The following CCDC141 variants were observed in gnomAD, a reference collection of about 807,000 sequenced individuals.
CCDC141 encodes coiled-coil domain containing 141.
In CCDC141, 168 loss-of-function variants were observed where a neutral mutation model predicts 181.0. The observed-to-expected ratio is 0.93, with a 90% confidence interval of 0.82 to 1.05. The LOEUF (loss-of-function observed/expected upper bound fraction) is 1.05, where lower values mean the gene tolerates loss of function less well. Ranked by LOEUF, CCDC141 falls within the 50% of genes least tolerant of loss-of-function variation. The pLI, the probability that CCDC141 is intolerant of heterozygous loss-of-function variation, is 0.00. For synonymous variants in CCDC141, 666 were observed against 642.3 expected (o/e 1.04, Z -0.56); for missense variants, 1,902 against 1,788.5 (o/e 1.06, Z -1.14).
intron 8 of CCDC141, among the ~76,000 whole-genome samples, chr2:178,890,138 A>T (rs1394338625): frequency 5.3e-5 from 8 of 152,208 alleles, no homozygotes; most frequent in Admixed American, 5.2e-4. Flanking sequence ...TACAGAGAAC[A>T]AAGGTTGTGA....
At chr2:178,923,675 G>A (rs943543339) in intron 6 of CCDC141, among the ~76,000 whole-genome samples, 2 of 152,084 alleles carry the variant, frequency 1.3e-5, no homozygotes, top group Non-Finnish European at 2.9e-5. Flanking sequence ...ACAGAGATGC[G>A]TGCGTATCTC....
intron 17 of CCDC141, among the ~76,000 whole-genome samples, chr2:178,863,628 A>G (rs1018905295): frequency 2.6e-5 from 4 of 152,210 alleles, no homozygotes; most frequent in Non-Finnish European, 5.9e-5. Context: ...CACGGAAAAT[A>G]TTCCTTCTGA....
At position 178,978,649 on chromosome 2, in the gene CCDC141, G is replaced by C. The variant is rs76975382; in HGVS notation, c.252C>G (p.Leu84=). 1 of 1,545,264 alleles carries C rather than the reference G, an allele frequency of 6.5e-7. No homozygotes were observed. Among genetic ancestry groups the C allele is most frequent in the Non-Finnish European group, 8.7e-7 (1 of 1,144,756 alleles). Residue 84 remains leucine, a synonymous_variant, in exon 3 of 24, where the codon CTC becomes CTG. Transcript: ENST00000443758. ...CAGCTGTCTTGTCTGCTTCCTGCAA[G>C]AGTTCCCATACCCGATCTTCCAAAG... ...LKALEDRVWE[L]LQEADKTAEE...
intron 12 of CCDC141, chr2:178,875,773 A>T (rs1686332341): frequency 6.6e-6 from 1 of 152,180 alleles, no homozygotes; most frequent in African/African-American, 2.4e-5. Flanking sequence ...AATTTCTGAA[A>T]TGAAGTTAGT....
At chr2:178,893,728 C>A (rs368284111) in intron 8 of CCDC141, among the ~76,000 whole-genome samples, 2 of 151,466 alleles carry the variant, frequency 1.3e-5, no homozygotes, top group African/African-American at 4.8e-5. Context: ...GCATATGTTT[C>A]TACAATAAAT....
intron 17 of CCDC141, among the ~76,000 whole-genome samples, chr2:178,858,998 T>C (rs767195903): frequency 3.9e-5 from 6 of 152,162 alleles, no homozygotes; most frequent in Non-Finnish European, 5.9e-5. Context: ...AAATGATGAG[T>C]GTGATTTGAT....
intron 2 of CCDC141, among the ~76,000 whole-genome samples, chr2:179,024,328 G>A (rs572543076): frequency 2.6e-5 from 4 of 152,046 alleles, no homozygotes; most frequent in South Asian, 2.1e-4. Flanking sequence ...TTCCTTTTTC[G>A]CATGTTTCTT....
At chr2:179,010,612 C>T (rs1035054269) in intron 2 of CCDC141, among the ~76,000 whole-genome samples, 1 of 152,094 alleles carries the variant, frequency 6.6e-6, no homozygotes, top group South Asian at 2.1e-4. Context: ...AGAGAATTCA[C>T]CATTACCAAG....
chr2:178,964,950 T>C (rs1249694158), intron 4 of CCDC141, among the ~76,000 whole-genome samples: 1 of 152,196 alleles, frequency 6.6e-6, no homozygotes, highest in Non-Finnish European at 1.5e-5. Flanking sequence ...TCTAAAAAAT[T>C]ATCATTAAAG....
chr2:178,947,946 A>G (rs1689799179), intron 5 of CCDC141, among the ~76,000 whole-genome samples: 1 of 152,156 alleles, frequency 6.6e-6, no homozygotes, highest in African/African-American at 2.4e-5. Flanking sequence ...ATGCCTGTAA[A>G]CCAAGCAGTT....
chr2:178,852,388 A>G (rs17362574), intron 20 of CCDC141, among the ~76,000 whole-genome samples: 1,736 of 152,322 alleles, frequency 0.011, 20 homozygotes, highest in Non-Finnish European at 0.018. Context: ...AAAAAGTTCA[A>G]TCGTGGAGGA....
chr2:178,893,155 T>C (rs915263001), intron 8 of CCDC141, among the ~76,000 whole-genome samples: 6 of 151,958 alleles, frequency 3.9e-5, no homozygotes, highest in Non-Finnish European at 8.8e-5. Flanking sequence ...AAACTCCAAA[T>C]GAGAACATTC....
the CCDC141 span, among the ~76,000 whole-genome samples, chr2:178,815,068 T>A: frequency 1.3e-5 from 2 of 152,208 alleles, no homozygotes; most frequent in African/African-American, 2.4e-5. Flanking sequence ...TGAGCTCTGT[T>A]GGCACTTTAA....
At position 178,845,749 on chromosome 2, in the gene CCDC141, A is replaced by T; in HGVS notation, c.3358-7T>A. 1 of 1,531,314 alleles carries T rather than the reference A, an allele frequency of 6.5e-7. No individual in the cohort carries two copies. Among genetic ancestry groups the T allele is most frequent in the Non-Finnish European group, 9.1e-7 (1 of 1,104,786 alleles). The allele number at this position is 1,531,314 out of a possible 1,614,324, so 94.9% of individuals were successfully genotyped here. A position where few individuals can be genotyped will look rare whatever the true frequency, so the allele number is the denominator to read the frequency against. On this transcript the variant is annotated splice_region_variant and splice_polypyrimidine_tract_variant and intron_variant, in intron 21 of 23. Coordinates refer to ENST00000443758, the MANE Select transcript of CCDC141 (RefSeq NM_173648.4). The stretch of plus-strand genomic sequence containing the variant: ...TCTTTAAAACATCTCCCTGCTGTAC[A>T]AAGCAACAGTTAGTGAGAGCATGAG...
chr2:179,016,349 A>C (rs1032867741), intron 2 of CCDC141, among the ~76,000 whole-genome samples: 1 of 152,120 alleles, frequency 6.6e-6, no homozygotes, highest in Non-Finnish European at 1.5e-5. Context: ...ATGGGAAAAA[A>C]ATAAAAGTAA....
intron 9 of CCDC141, 87 bp downstream of exon 9, chr2:178,888,440 C>A: frequency 8.0e-7 from 1 of 1,245,868 alleles, no homozygotes; most frequent in South Asian, 1.4e-5. Context: ...AGACATGCCC[C>A]TGTCCTCCCG....
At chr2:178,925,204 C>A (rs1200477489) in intron 6 of CCDC141, among the ~76,000 whole-genome samples, 1 of 152,184 alleles carries the variant, frequency 6.6e-6, no homozygotes, top group African/African-American at 2.4e-5. Flanking sequence ...TTAGCTGCTG[C>A]TTTCTTATCT....
intron 2 of CCDC141, among the ~76,000 whole-genome samples, chr2:179,020,476 G>T (rs1227211357): frequency 6.6e-6 from 1 of 152,134 alleles, no homozygotes; most frequent in Non-Finnish European, 1.5e-5. Flanking sequence ...ACTTCTCATG[G>T]GATCAGGTGT....
chr2:178,880,964 T>C (rs563071586), intron 11 of CCDC141, among the ~76,000 whole-genome samples: 11 of 152,150 alleles, frequency 7.2e-5, no homozygotes, highest in Non-Finnish European at 1.2e-4. Flanking sequence ...ACGGAAAGCA[T>C]TGGTTTGGAG....
Sources: gnomAD v4.1 joint callset for allele counts (sites outside exome capture counted in the v4.1 genomes callset) on GRCh38, gnomAD v4.1.1 for gene constraint, MANE v1.5 for transcripts, NCBI Gene and HGNC (gene_info 2026-07-23, HGNC 2026-07-21) for gene names.